The following FAH variants were observed in gnomAD, a reference collection of about 807,000 sequenced individuals.
FAH encodes the protein fumarylacetoacetate hydrolase, also known as fumarylacetoacetase.
FAH carries 47 observed loss-of-function variants against 55.8 expected under a neutral mutation model. The ratio of observed to expected loss-of-function variants is 0.84; its 90% CI spans 0.67 to 1.07. FAH has a LOEUF of 1.07. FAH is among the 50% of genes least tolerant of loss of function. The pLI is 0.00. For synonymous variants in FAH, 199 were observed against 207.7 expected (o/e 0.96, Z 0.36); for missense variants, 495 against 545.9 (o/e 0.91, Z 0.93).
chr15:80,181,176 C>T lies in FAH; in HGVS notation c.1180+17C>T. On this transcript the variant is annotated intron_variant, in intron 13 of 13. Coordinates refer to ENST00000561421, the MANE Select transcript of FAH (RefSeq NM_000137.4). ...TCATAACAGGTGAGGGCTGCCAAAC[C>T]CAGCAGCTCGTCTTCCTCCTTGCCC... 6.4e-7 allele frequency: 1 copy of T among 1,555,606 alleles called. No individual in the cohort carries two copies. The highest frequency in any genetic ancestry group is 8.9e-7 in the Non-Finnish European group (1 of 1,127,282).
intron 1 of FAH, chr15:80,156,780 G>C (rs2041103860): frequency 6.6e-6 from 1 of 152,236 alleles, no homozygotes; most frequent in Non-Finnish European, 1.5e-5. Flanking sequence ...AAGGTTGAAA[G>C]TAGAGGGACT....
intron 9 of FAH, 138 bp downstream of exon 9, chr15:80,173,282 C>A: frequency 9.1e-7 from 1 of 1,102,484 alleles, no homozygotes; most frequent in Non-Finnish European, 1.4e-6. Flanking sequence ...CAGCAGAGTG[C>A]CTGGGAGTTC....
At chr15:80,182,828 G>C (rs527242988) in intron 13 of FAH, among the ~76,000 whole-genome samples, 10 of 152,282 alleles carry the variant, frequency 6.6e-5, no homozygotes, top group Admixed American at 4.6e-4. Flanking sequence ...GCAGGCCTTT[G>C]GTCACGGTTC....
At chr15:80,159,991 C>G in intron 3 of FAH, 114 bp downstream of exon 3, 1 of 1,360,534 alleles carries the variant, frequency 7.4e-7, no homozygotes, top group Non-Finnish European at 1.0e-6. Flanking sequence ...GTGGCCAAGT[C>G]AGACCTGCCC....
chr15:80,155,474 G>A (rs79712529), intron 1 of FAH, among the ~76,000 whole-genome samples: 5 of 152,216 alleles, frequency 3.3e-5, no homozygotes, highest in Admixed American at 3.3e-4. Flanking sequence ...CTCACAGCCA[G>A]TAAGAGGCAG....
chr15:80,173,583 C>T (rs931864431), intron 9 of FAH: 11 of 341,506 alleles, frequency 3.2e-5, no homozygotes, highest in East Asian at 7.6e-5. Flanking sequence ...TTCCCGGCAC[C>T]GCTTGGTCTA....
intron 9 of FAH, 100 bp downstream of exon 9, chr15:80,173,244 G>A: frequency 6.6e-7 from 1 of 1,515,976 alleles, no homozygotes; most frequent in Non-Finnish European, 9.1e-7. Flanking sequence ...ACCATCAGGA[G>A]GGAAGCTCTG....
chr15:80,166,457 G>A, intron 5 of FAH: 1 of 150,564 alleles, frequency 6.6e-6, no homozygotes, highest in East Asian at 2.0e-4. Flanking sequence ...TTTCACAGAT[G>A]TTTTTGCATA....
At chr15:80,163,641 G>A (rs903323139) in intron 5 of FAH, 1 of 152,196 alleles carries the variant, frequency 6.6e-6, no homozygotes, top group African/African-American at 2.4e-5. Context: ...TTAGCTTTAT[G>A]TACATAGTCT....
At position 80,170,987 on chromosome 15, in the gene FAH, C is replaced by T. The variant is rs139664728; in HGVS notation, c.607-1162C>T. ...GGGATGACAGATAGGGGTTAGAGGC[C>T]GTGGGGTGTGCTCTCTCTGGTACTA... is the stretch of plus-strand genomic sequence containing the variant. On this transcript the variant is annotated intron_variant, in intron 7 of 13. Coordinates refer to ENST00000561421, the MANE Select transcript of FAH (RefSeq NM_000137.4). Among the ~76,000 whole-genome samples, 212 of 151,950 alleles carry T rather than the reference C, an allele frequency of 1.4e-3. 1 individual carries two copies. Among genetic ancestry groups the T allele is most frequent in the African/African-American group, 4.7e-3 (196 of 41,458 alleles).
intron 2 of FAH, among the ~76,000 whole-genome samples, chr15:80,158,423 G>T (rs1287697911): frequency 6.6e-6 from 1 of 152,146 alleles, no homozygotes; most frequent in Non-Finnish European, 1.5e-5. Context: ...GCAGTCCTGG[G>T]TCGTTCCTAG....
intron 5 of FAH, among the ~76,000 whole-genome samples, chr15:80,167,414 T>C (rs574555967): frequency 4.6e-5 from 7 of 152,252 alleles, no homozygotes; most frequent in Admixed American, 2.0e-4. Context: ...CTGTCTCTTA[T>C]AAGGACATTT....
At chr15:80,176,912 G>A (rs2041289112) in intron 10 of FAH, among the ~76,000 whole-genome samples, 2 of 152,222 alleles carry the variant, frequency 1.3e-5, no homozygotes, top group African/African-American at 2.4e-5. Context: ...TCGCATGGCT[G>A]AAGAGCACAC....
At chr15:80,160,080 G>A (rs2041135698) in intron 3 of FAH, 1 of 732,338 alleles carries the variant, frequency 1.4e-6, no homozygotes, top group Non-Finnish European at 2.2e-6. Context: ...CTGGAATGGA[G>A]CTGCCCAAGC....
rs753698425 is a variant in FAH at position 80,168,183 on chromosome 15, C to T, written c.553+34C>T. On this transcript the variant is annotated intron_variant, in intron 6 of 13. Coordinates refer to ENST00000561421, the MANE Select transcript of FAH (RefSeq NM_000137.4). The stretch of plus-strand genomic sequence containing the variant: ...CCGCAGCGTCCAGGCCTTGCTGGTA[C>T]CCAGCTCTCTGTTCCCACACAGAGA... 27 of 1,610,320 alleles carry T rather than the reference C, an allele frequency of 1.7e-5. No homozygotes were observed. The Admixed American group carries it at 4.3e-4, about 26-fold the overall frequency.
At chr15:80,181,208 C>A in intron 13 of FAH, 49 bp downstream of exon 13, 1 of 1,348,488 alleles carries the variant, frequency 7.4e-7, no homozygotes, top group Non-Finnish European at 1.1e-6. Flanking sequence ...GCCCGCCATG[C>A]ACTGTTCTAG....
intron 2 of FAH, 111 bp from the exon 3 acceptor site, chr15:80,159,645 A>G: frequency 8.1e-7 from 1 of 1,230,986 alleles, no homozygotes; most frequent in Non-Finnish European, 1.2e-6. Context: ...AGTTTGAGTT[A>G]GCGGGAGAGA....
chr15:80,174,040 C>G (rs2041262857), intron 9 of FAH, among the ~76,000 whole-genome samples: 1 of 152,190 alleles, frequency 6.6e-6, no homozygotes, highest in South Asian at 2.1e-4. Flanking sequence ...ACCCTGAGGT[C>G]TTTCCTTGCA....
In FAH at chr15:80,181,089, G is replaced by A. The variant is rs765686036; in HGVS notation, c.1110G>A (p.Thr370=). 1.4e-5 allele frequency: 22 copies of A among 1,613,834 alleles called. No individual in the cohort carries two copies. The highest frequency in any genetic ancestry group is 5.0e-5 in the Admixed American group (3 of 59,992). Residue 370 remains threonine, a synonymous_variant, in exon 13 of 14, where the codon ACG becomes ACA. Coordinates refer to ENST00000561421, the MANE Select transcript of FAH (RefSeq NM_000137.4). ...GSMLELSWKG[T]KPIDLGNGQT... ...TGTTGGAACTGTCGTGGAAGGGAACGAAGCCCATAGACCTGGGGAATGGTC... is the reference window on the plus strand; with the variant it reads ...TGTTGGAACTGTCGTGGAAGGGAACAAAGCCCATAGACCTGGGGAATGGTC...
Sources: allele counts gnomAD v4.1 joint callset (sites outside exome capture counted in the v4.1 genomes callset), GRCh38; gene constraint gnomAD v4.1.1; transcripts MANE v1.5; gene names NCBI Gene and HGNC (gene_info 2026-07-23, HGNC 2026-07-21).